Variants in CACNA1B observed in about 807,000 individuals in gnomAD.
The protein encoded by CACNA1B is calcium voltage-gated channel subunit alpha1 B, also known as voltage-dependent N-type calcium channel subunit alpha-1B.
Under a neutral mutation model 247.2 loss-of-function variants are expected in CACNA1B, and 70 were observed. That is an observed-to-expected ratio of 0.28 (90% CI 0.23 to 0.35). CACNA1B has a LOEUF of 0.35. Among genes scored for constraint, CACNA1B ranks in the 10% least tolerant of loss-of-function variants. The pLI is 1.00. For missense variants in CACNA1B, 2,367 were observed against 3,197.4 expected (o/e 0.74, Z 6.26); for synonymous variants, 1,231 against 1,294.4 (o/e 0.95, Z 1.05).
chr9:138,034,999 A>T (rs1186503900), intron 20 of CACNA1B, among the ~76,000 whole-genome samples: 5 of 152,244 alleles, frequency 3.3e-5, no homozygotes, highest in Non-Finnish European at 7.3e-5. Context: ...TCCAGGTGGG[A>T]CAGAGCAGAA....
chr9:137,918,145 G>A (rs139139048), intron 6 of CACNA1B, among the ~76,000 whole-genome samples: 35 of 152,240 alleles, frequency 2.3e-4, no homozygotes, highest in African/African-American at 7.0e-4. Flanking sequence ...TCAGGATGCC[G>A]GCCTGTCTCT....
chr9:138,026,898 A>C lies in CACNA1B; in HGVS notation c.3286+1726A>C, dbSNP rs150092926. Reference sequence around the variant, plus strand: ...TTTGCATTCCCACCAGCAATGAATGAGAGTTCCTGTTGCTCCACATCCTTG... The same window carrying C: ...TTTGCATTCCCACCAGCAATGAATGCGAGTTCCTGTTGCTCCACATCCTTG... On this transcript the variant is annotated intron_variant, in intron 20 of 46. Transcript: ENST00000371372. 3.7e-4 allele frequency among the ~76,000 whole-genome samples: 57 copies of C among 152,364 alleles called. 2 individuals carry two copies. The East Asian group carries it at 9.6e-3, about 26-fold the overall frequency.
intron 20 of CACNA1B, chr9:138,040,614 G>A (rs530417709): frequency 5.8e-5 from 25 of 434,486 alleles, no homozygotes; most frequent in South Asian, 3.8e-4. Context: ...AGCTGAACTT[G>A]GAGTCCGATG....
At chr9:138,118,819 G>C in intron 44 of CACNA1B, 51 bp downstream of exon 44, 1 of 811,908 alleles carries the variant, frequency 1.2e-6, no homozygotes, top group East Asian at 2.8e-5. Context: ...TGGGGGGTGG[G>C]GAAGTGGGGC....
intron 35 of CACNA1B, among the ~76,000 whole-genome samples, chr9:138,076,882 T>C (rs1960340049): frequency 1.3e-5 from 2 of 152,232 alleles, no homozygotes; most frequent in African/African-American, 4.8e-5. Flanking sequence ...TGGAGAGACC[T>C]CTTAGACTCT....
chr9:138,115,721 C>A, intron 42 of CACNA1B, 42 bp downstream of exon 42: 1 of 1,574,538 alleles, frequency 6.4e-7, no homozygotes, highest in Non-Finnish European at 8.7e-7. Context: ...AGGAGGAGGT[C>A]CAAAGACAGT....
At chr9:138,071,342 C>T (rs556590903) in intron 32 of CACNA1B, among the ~76,000 whole-genome samples, 1 of 152,326 alleles carries the variant, frequency 6.6e-6, no homozygotes, top group South Asian at 2.1e-4. Flanking sequence ...CAACAGAAGC[C>T]ATGGACTCAG....
At position 138,010,655 on chromosome 9, in the gene CACNA1B, G is replaced by A. The variant is rs1179095047; in HGVS notation, c.2160+578G>A. On this transcript the variant is annotated intron_variant, in intron 17 of 46. Coordinates refer to ENST00000371372, the MANE Select transcript of CACNA1B (RefSeq NM_000718.4). This position sits in a 1 kb window ranked among gnomAD's most constrained non-coding sequence, Gnocchi z 5.3. The stretch of plus-strand genomic sequence containing the variant: ...TAGAGGTGGTGCTGCCTTCTGGTTT[G>A]GTGTGAACCACGCTGCAAACGTCCC... 6.6e-6 allele frequency among the ~76,000 whole-genome samples: 1 copy of A among 152,098 alleles called. No homozygotes were observed. Among genetic ancestry groups the A allele is most frequent in the African/African-American group, 2.4e-5 (1 of 41,404 alleles).
At chr9:138,009,177 C>A (rs570395177) in intron 16 of CACNA1B, among the ~76,000 whole-genome samples, 13 of 152,334 alleles carry the variant, frequency 8.5e-5, no homozygotes, top group African/African-American at 2.9e-4. Context: ...CCGCACACCC[C>A]AGGCGGTGCC....
chr9:138,078,890 A>T (rs1007729336), intron 36 of CACNA1B, among the ~76,000 whole-genome samples: 2 of 152,224 alleles, frequency 1.3e-5, no homozygotes. Context: ...AGCAGGCTGC[A>T]TCCTGGGGTT....
chr9:138,079,529 G>A (rs1004943880), intron 36 of CACNA1B, among the ~76,000 whole-genome samples: 1 of 152,078 alleles, frequency 6.6e-6, no homozygotes, highest in Non-Finnish European at 1.5e-5. Flanking sequence ...GATCACCTAA[G>A]GCCAGGAGCT....
intron 32 of CACNA1B, among the ~76,000 whole-genome samples, chr9:138,070,772 C>A (rs981814868): frequency 6.6e-6 from 1 of 152,234 alleles, no homozygotes; most frequent in South Asian, 2.1e-4. Flanking sequence ...CATTGTCTGT[C>A]CCCTGTCCTC....
In CACNA1B at chr9:137,880,551, G is replaced by A. The variant is rs1321552822; in HGVS notation, c.390+1392G>A. Among the ~76,000 whole-genome samples, 8 of 152,188 alleles carry A rather than the reference G, an allele frequency of 5.3e-5. No individual in the cohort carries two copies. The highest frequency in any genetic ancestry group is 3.9e-4 in the Admixed American group (6 of 15,290). On this transcript the variant is annotated intron_variant, in intron 2 of 46. Coordinates refer to ENST00000371372, the MANE Select transcript of CACNA1B (RefSeq NM_000718.4). The surrounding 1 kb of genome is among the most constrained non-coding windows in gnomAD (Gnocchi z 4.8). Reference sequence around the variant, plus strand: ...AGGGAGGATCAAGCTGTCTTGCCCTGCCAGGCAGTGGGTGTCCAGCCTTGC... The same window carrying A: ...AGGGAGGATCAAGCTGTCTTGCCCTACCAGGCAGTGGGTGTCCAGCCTTGC...
chr9:138,056,199 CAA>C (rs1035571939), intron 26 of CACNA1B, among the ~76,000 whole-genome samples: 1 of 151,080 alleles, frequency 6.6e-6, no homozygotes, highest in Admixed American at 6.6e-5. Flanking sequence ...TTCAGCACCT[CAA>C]AAAAAAAGAA....
intron 6 of CACNA1B, among the ~76,000 whole-genome samples, chr9:137,932,925 T>G (rs1207718309): frequency 8.3e-6 from 1 of 119,832 alleles, no homozygotes; most frequent in Non-Finnish European, 1.6e-5. Flanking sequence ...TTTTATTTAT[T>G]TATTTATTTA....
At chr9:137,897,711 CA>C (rs1217718128) in intron 3 of CACNA1B, among the ~76,000 whole-genome samples, 1 of 151,410 alleles carries the variant, frequency 6.6e-6, no homozygotes. Flanking sequence ...TCATTTTAAT[CA>C]TTATTATTAT....
rs1379125751 is a variant in CACNA1B at position 137,891,479 on chromosome 9, C to CTGGTG, written c.530+8602_530+8606dup. On this transcript the variant is annotated intron_variant, in intron 3 of 46. Transcript: ENST00000371372. The surrounding 1 kb of genome is among the most constrained non-coding windows in gnomAD (Gnocchi z 4.3). Reference sequence around the variant, plus strand: ...GTGGCGGCTCGCGAGGATGGCTAGGCTGGTGTGGTGCGGTGGCTGGGGGAC... The same window carrying CTGGTG: ...GTGGCGGCTCGCGAGGATGGCTAGGCTGGTGTGGTGTGGTGCGGTGGCTGGGGGAC... 1 of 157,268 alleles carries CTGGTG rather than the reference C, an allele frequency of 6.4e-6. No homozygotes were observed. The highest frequency in any genetic ancestry group is 2.4e-5 in the African/African-American group (1 of 41,482). 9.7% of individuals were successfully genotyped at this position (157,268 alleles called of 1,614,324 possible).
intron 36 of CACNA1B, among the ~76,000 whole-genome samples, chr9:138,085,669 G>A (rs893149456): frequency 9.9e-5 from 15 of 151,248 alleles, no homozygotes; most frequent in South Asian, 4.1e-4. Flanking sequence ...AGAATCCCCC[G>A]TTAGACTGAA....
At chr9:138,096,069 T>G (rs890025816) in intron 36 of CACNA1B, among the ~76,000 whole-genome samples, 1 of 152,222 alleles carries the variant, frequency 6.6e-6, no homozygotes, top group African/African-American at 2.4e-5. Context: ...GCCCCTGAAC[T>G]GTACATTTTA....
Sources: gnomAD v4.1 joint callset for allele counts (sites outside exome capture counted in the v4.1 genomes callset) on GRCh38, gnomAD v4.1.1 for gene constraint, Gnocchi (gnomAD v3.1) non-coding constraint, MANE v1.5 for transcripts, NCBI Gene and HGNC (gene_info 2026-07-23, HGNC 2026-07-21) for gene names.